Variants in GAS7 observed in about 807,000 individuals in gnomAD.
GAS7 encodes the protein growth arrest specific 7.
Under a neutral mutation model 71.1 loss-of-function variants are expected in GAS7, and 28 were observed. That is an observed-to-expected ratio of 0.39 (90% CI 0.29 to 0.54). GAS7 has a LOEUF of 0.54. GAS7 is among the 20% of genes least tolerant of loss of function. The pLI is 0.62. For missense variants in GAS7, 436 were observed against 627.8 expected, an observed-to-expected ratio of 0.69 and a Z score of 3.27; for synonymous variants, 258 against 245.8, an observed-to-expected ratio of 1.05 and a Z score of -0.46.
At chr17:9,960,388 C>T (rs1597551937) in intron 4 of GAS7, among the ~76,000 whole-genome samples, 1 of 152,290 alleles carries the variant, frequency 6.6e-6, no homozygotes, top group East Asian at 1.9e-4. Context: ...CAGGGTTTCA[C>T]CATGTTGGCC....
chr17:10,175,036 G>A (rs921863334), intron 1 of GAS7, among the ~76,000 whole-genome samples: 35 of 151,952 alleles, frequency 2.3e-4, no homozygotes, highest in African/African-American at 8.5e-4. Context: ...ATAGAGATGG[G>A]GGTCTCACTA....
At chr17:10,173,997 C>T (rs762616033) in intron 1 of GAS7, among the ~76,000 whole-genome samples, 59 of 152,168 alleles carry the variant, frequency 3.9e-4, no homozygotes, top group Non-Finnish European at 7.6e-4. Context: ...TTGGTGTGTA[C>T]TCACCTGTCC....
chr17:10,143,212 G>GTCTTAACCCCTAGTAAC (rs2074096783), intron 1 of GAS7, among the ~76,000 whole-genome samples: 1 of 151,798 alleles, frequency 6.6e-6, no homozygotes, highest in East Asian at 1.9e-4. Flanking sequence ...GTATGTTGAA[G>GTCTTAACCCCTAGTAAC]TCTTAACCCC....
At chr17:10,115,163 C>T (rs2073848823) in intron 1 of GAS7, among the ~76,000 whole-genome samples, 1 of 152,216 alleles carries the variant, frequency 6.6e-6, no homozygotes. Context: ...AATGAAAAGA[C>T]ATAAATTAGG....
At position 10,198,485 on chromosome 17, in the gene GAS7, C is replaced by T. The variant is rs2142162446; in HGVS notation, c.-95G>A. The T allele has an allele frequency of 2.2e-6, 2 of 896,002 alleles. No homozygotes were observed. Among genetic ancestry groups the T allele is most frequent in the East Asian group, 3.4e-5 (1 of 29,374 alleles). The allele number at this position is 896,002 out of a possible 1,614,324, so 55.5% of individuals were successfully genotyped here. A position where few individuals can be genotyped will look rare whatever the true frequency, so the allele number is the denominator to read the frequency against. On this transcript the variant is annotated 5_prime_UTR_variant, in exon 1 of 14. Coordinates refer to ENST00000432992, the MANE Select transcript of GAS7 (RefSeq NM_201433.2). ...GCGGGGTCCCAGGCGCCCGGCGCTC[C>T]GGGCTCCCGCGCTCTGGGCGCGCGC... is the stretch of plus-strand genomic sequence containing the variant.
intron 1 of GAS7, among the ~76,000 whole-genome samples, chr17:10,146,882 G>A (rs1028076075): frequency 2.0e-5 from 3 of 151,804 alleles, no homozygotes; most frequent in African/African-American, 7.3e-5. Context: ...TACTCGGGAG[G>A]CTGAGGCAGA....
At chr17:10,009,870 C>T (rs996360472) in intron 2 of GAS7, among the ~76,000 whole-genome samples, 12 of 152,028 alleles carry the variant, frequency 7.9e-5, no homozygotes, top group African/African-American at 2.9e-4. Flanking sequence ...GACTTGGGTT[C>T]ATGCTTTAAA....
intron 5 of GAS7, among the ~76,000 whole-genome samples, chr17:9,955,772 A>G (rs2069207440): frequency 6.6e-6 from 1 of 152,170 alleles, no homozygotes; most frequent in South Asian, 2.1e-4. Flanking sequence ...TGCTCAGGGC[A>G]AGTTCCAGCA....
intron 1 of GAS7, among the ~76,000 whole-genome samples, chr17:10,165,291 C>CAAAAAA (rs71365731): frequency 2.6e-5 from 2 of 77,634 alleles, no homozygotes; most frequent in Non-Finnish European, 2.6e-5. Context: ...GATTCCTTCT[C>CAAAAAA]AAAAAAAAAA....
chr17:10,118,427 T>C (rs971860406), intron 1 of GAS7, among the ~76,000 whole-genome samples: 1 of 152,126 alleles, frequency 6.6e-6, no homozygotes, highest in Admixed American at 6.5e-5. Flanking sequence ...AAAGCCCTCG[T>C]GGGCTGGGCG....
chr17:10,067,705 A>T (rs935798900), intron 1 of GAS7, among the ~76,000 whole-genome samples: 3 of 152,208 alleles, frequency 2.0e-5, no homozygotes, highest in Admixed American at 2.0e-4. Flanking sequence ...CACCTGTCCT[A>T]GTCCCCCTAC....
At chr17:10,155,738 G>C (rs893228668) in intron 1 of GAS7, among the ~76,000 whole-genome samples, 1 of 152,098 alleles carries the variant, frequency 6.6e-6, no homozygotes, top group African/African-American at 2.4e-5. Context: ...AGACCCTAAG[G>C]GTTAAATATA....
intron 3 of GAS7, among the ~76,000 whole-genome samples, chr17:9,975,962 C>T (rs150492991): frequency 2.7e-5 from 4 of 145,750 alleles, no homozygotes; most frequent in African/African-American, 9.9e-5. Context: ...GGCACAATTA[C>T]AGCCTCCTTC....
intron 2 of GAS7, among the ~76,000 whole-genome samples, chr17:10,006,220 C>T (rs926319622): frequency 1.3e-5 from 2 of 151,874 alleles, no homozygotes; most frequent in South Asian, 4.1e-4. Context: ...GCACACGAGA[C>T]TCTAGGTTCC....
intron 4 of GAS7, among the ~76,000 whole-genome samples, chr17:9,960,240 A>G (rs1219830693): frequency 6.6e-5 from 10 of 150,550 alleles, no homozygotes; most frequent in African/African-American, 2.4e-4. Context: ...CCCAGGTTGG[A>G]GTGCAGTGGC....
rs2069399019 is a variant in GAS7, at chr17:9,959,627, A to C, written c.472-372T>G. ...AGCCGCGGAATCCACTGGGGAGAAG[A>C]GAGTTAAGGCCACCACCTCCTGGCA... On this transcript the variant is annotated intron_variant, in intron 4 of 13. Transcript: ENST00000432992. The surrounding 1 kb of genome is among the most constrained non-coding windows in gnomAD (Gnocchi z 5.0). The C allele has an allele frequency of 2.8e-6, 1 of 360,112 alleles. No homozygotes were observed. The highest frequency in any genetic ancestry group is 4.4e-5 in the Admixed American group (1 of 22,830). The allele number at this position is 360,112 out of a possible 1,614,324, so 22.3% of individuals were successfully genotyped here.
At chr17:10,032,874 C>T (rs1476141507) in intron 1 of GAS7, among the ~76,000 whole-genome samples, 1 of 152,162 alleles carries the variant, frequency 6.6e-6, no homozygotes, top group African/African-American at 2.4e-5. Context: ...TTGTCTGAGA[C>T]ACCAACAAAG....
chr17:9,931,455 C>G (rs2068205665), intron 9 of GAS7, among the ~76,000 whole-genome samples: 1 of 152,150 alleles, frequency 6.6e-6, no homozygotes, highest in African/African-American at 2.4e-5. Context: ...GCTCGCAACT[C>G]TGGCTCCCAG....
chr17:9,991,488 C>A (rs997072211), intron 2 of GAS7, among the ~76,000 whole-genome samples: 7 of 152,156 alleles, frequency 4.6e-5, no homozygotes, highest in Non-Finnish European at 1.5e-5. Context: ...AGTGTCCTGG[C>A]CCTTTGATAT....
Sources: gnomAD v4.1 joint callset for allele counts (sites outside exome capture counted in the v4.1 genomes callset) on GRCh38, gnomAD v4.1.1 for gene constraint, Gnocchi (gnomAD v3.1) non-coding constraint, MANE v1.5 for transcripts, NCBI Gene and HGNC (gene_info 2026-07-23, HGNC 2026-07-21) for gene names.